AFF2: variants seen among roughly 807,000 people sequenced by gnomAD.
AFF2 encodes ALF transcription elongation factor 2.
In AFF2, 14 loss-of-function variants were observed where a neutral mutation model predicts 76.9. The ratio of observed to expected loss-of-function variants is 0.18; its 90% CI spans 0.12 to 0.28. AFF2 has a LOEUF of 0.28. AFF2 is among the 10% of genes least tolerant of loss of function. The pLI is 1.00. For missense variants in AFF2, 868 were observed against 1,001.1 expected (o/e 0.87, Z 1.79); for synonymous variants, 398 against 366.7 (o/e 1.09, Z -0.98).
intron 1 of AFF2, among the ~76,000 whole-genome samples, chrX:148,570,928 A>T (rs1331140863): frequency 9.0e-6 from 1 of 110,938 alleles, no homozygotes; most frequent in Non-Finnish European, 1.9e-5. Flanking sequence ...CCTTTTTATA[A>T]GGATACTAGT....
At chrX:148,968,042 A>G (rs2072202842) in intron 15 of AFF2, among the ~76,000 whole-genome samples, 1 of 111,413 alleles carries the variant, frequency 9.0e-6, no homozygotes. Context: ...GTAAGCCAGA[A>G]CTCGTGTGGG....
intron 18 of AFF2, among the ~76,000 whole-genome samples, chrX:148,980,300 C>T (rs1168639343): frequency 8.9e-6 from 1 of 111,929 alleles, no homozygotes; most frequent in Non-Finnish European, 1.9e-5. Flanking sequence ...AACGAAAATA[C>T]TGCTTGGCTC....
rs190947792 is a variant in AFF2, at chrX:148,859,419, C to G, written c.1262+15986C>G. ...ATATAAAACAACAACAATGAAAATACCTTTAGTAAAAATGCTTGGAACTCT... is the reference window on the plus strand; with the variant it reads ...ATATAAAACAACAACAATGAAAATAGCTTTAGTAAAAATGCTTGGAACTCT... On this transcript the variant is annotated intron_variant, in intron 7 of 20. Coordinates refer to ENST00000370460, the MANE Select transcript of AFF2 (RefSeq NM_002025.4). Among the ~76,000 whole-genome samples, 3 of 110,457 alleles carry G rather than the reference C, an allele frequency of 2.7e-5. No individual in the cohort carries two copies. In the Admixed American group the frequency reaches 2.9e-4, roughly 11 times the overall value.
chrX:148,976,706 A>C (rs1391160311), intron 16 of AFF2, among the ~76,000 whole-genome samples: 4 of 112,572 alleles, frequency 3.6e-5, no homozygotes, highest in Non-Finnish European at 7.5e-5. Flanking sequence ...TCAAGTAATT[A>C]TAGTTGCTCT....
At chrX:148,903,007 T>A (rs2071370040) in intron 8 of AFF2, among the ~76,000 whole-genome samples, 1 of 110,494 alleles carries the variant, frequency 9.1e-6, no homozygotes, top group South Asian at 4.0e-4. Flanking sequence ...ACCGAGAATG[T>A]CAAGTCCAGA....
rs782537927 is a variant in AFF2, at chrX:148,931,253, CA to C, written c.1398-22301del. ...TGGGTGACAGAGCGAGACTCTGTCT[CA>C]AAAAAAAAAAAAAAAAAAAAAAAAA... On this transcript the variant is annotated intron_variant, in intron 9 of 20. Transcript: ENST00000370460. Among the ~76,000 whole-genome samples, 176 of 43,733 alleles carry C rather than the reference CA, an allele frequency of 4.0e-3. 1 individual carries two copies. Among genetic ancestry groups the C allele is most frequent in the African/African-American group, 0.015 (164 of 10,926 alleles). 38.0% of individuals were successfully genotyped at this position (43,733 alleles called of 115,157 possible). A position where few individuals can be genotyped will look rare whatever the true frequency, so the allele number is the denominator to read the frequency against.
At chrX:148,938,559 G>A (rs1290028187) in intron 9 of AFF2, among the ~76,000 whole-genome samples, 8 of 111,966 alleles carry the variant, frequency 7.1e-5, no homozygotes, top group Admixed American at 1.9e-4. Flanking sequence ...AAACCACACC[G>A]CAAAAGTTGC....
intron 3 of AFF2, among the ~76,000 whole-genome samples, chrX:148,737,867 T>C (rs371453947): frequency 1.2e-3 from 133 of 112,066 alleles, no homozygotes; most frequent in South Asian, 5.2e-3. Context: ...CTGCATCTAT[T>C]GAGATGATCA....
At chrX:148,889,249 A>G (rs1414385318) in intron 8 of AFF2, among the ~76,000 whole-genome samples, 2 of 111,503 alleles carry the variant, frequency 1.8e-5, no homozygotes, top group African/African-American at 3.3e-5. Flanking sequence ...AGTATCTTAC[A>G]ATCAGAACAG....
At position 148,966,871 on chromosome X, in the gene AFF2, A is replaced by G; in HGVS notation, c.2995A>G (p.Thr999Ala). Reference protein sequence around the residue: ...TAIATATVTATAIVTTTVTAT... With the variant: ...TAIATATVTAAAIVTTTVTAT... ...TATTGCCACTGCTACTGTCACTGCT[A>G]CTGCCATTGTCACCACCACTGTCAC... The change falls in exon 14 of 21, where the codon ACT (threonine) becomes GCT (alanine). Residue 999 changes from threonine (T) to alanine (A), a missense_variant. Thr to Ala is a moderately conservative substitution (Grantham distance 58). Coordinates refer to ENST00000370460, the MANE Select transcript of AFF2 (RefSeq NM_002025.4). 1 of 1,211,109 alleles carries G rather than the reference A, an allele frequency of 8.3e-7. No homozygotes were observed. Among genetic ancestry groups the G allele is most frequent in the Non-Finnish European group, 1.1e-6 (1 of 895,406 alleles).
At chrX:148,713,668 G>C (rs1172081357) in intron 3 of AFF2, among the ~76,000 whole-genome samples, 3 of 111,800 alleles carry the variant, frequency 2.7e-5, no homozygotes, top group African/African-American at 9.8e-5. Flanking sequence ...TCCATTGGCA[G>C]GAATAAACTT....
At chrX:148,738,941 T>C (rs1557265381) in intron 3 of AFF2, among the ~76,000 whole-genome samples, 2 of 112,264 alleles carry the variant, frequency 1.8e-5, no homozygotes, top group African/African-American at 6.5e-5. Context: ...AGGTTCCTTT[T>C]GGAGTTGATT....
At chrX:148,838,582 C>A (rs938532098) in intron 5 of AFF2, among the ~76,000 whole-genome samples, 1 of 111,487 alleles carries the variant, frequency 9.0e-6, no homozygotes, top group African/African-American at 3.3e-5. Context: ...AAGAAGGGGC[C>A]AAGAGAAGAA....
At chrX:148,518,881 T>C (rs1008159149) in intron 1 of AFF2, among the ~76,000 whole-genome samples, 2 of 112,003 alleles carry the variant, frequency 1.8e-5, no homozygotes, top group Non-Finnish European at 3.8e-5. Flanking sequence ...CAATATTTTG[T>C]CTGTTGTTGG....
At chrX:148,509,143 C>T (rs782817401) in intron 1 of AFF2, among the ~76,000 whole-genome samples, 2 of 111,620 alleles carry the variant, frequency 1.8e-5, no homozygotes, top group Non-Finnish European at 3.8e-5. Flanking sequence ...ACAGAATTTA[C>T]ATTGGAAAGT....
At chrX:148,604,596 TA>T (rs1193218071) in intron 1 of AFF2, among the ~76,000 whole-genome samples, 1 of 110,722 alleles carries the variant, frequency 9.0e-6, no homozygotes, top group African/African-American at 3.3e-5. Context: ...ATTACAGATT[TA>T]AAAAAAAGGA....
chrX:148,976,931 A>C (rs181767328), intron 16 of AFF2, among the ~76,000 whole-genome samples: 4 of 112,744 alleles, frequency 3.5e-5, no homozygotes, highest in Middle Eastern at 4.6e-3. Flanking sequence ...AGCAATAACC[A>C]GGAGAGCAAG....
At chrX:148,695,433 A>G (rs2054709282) in intron 3 of AFF2, among the ~76,000 whole-genome samples, 1 of 112,051 alleles carries the variant, frequency 8.9e-6, no homozygotes, top group Non-Finnish European at 1.9e-5. Context: ...TCTGACAGCA[A>G]ATAATCAACG....
intron 1 of AFF2, among the ~76,000 whole-genome samples, chrX:148,623,105 G>T (rs1354894286): frequency 9.0e-6 from 1 of 111,329 alleles, no homozygotes; most frequent in African/African-American, 3.3e-5. Flanking sequence ...TAGTTCTAAA[G>T]GTTATAAAGA....
Sources: gnomAD v4.1 joint callset for allele counts (sites outside exome capture counted in the v4.1 genomes callset) on GRCh38, gnomAD v4.1.1 for gene constraint, MANE v1.5 for transcripts, NCBI Gene and HGNC (gene_info 2026-07-23, HGNC 2026-07-21) for gene names.